The following MERTK variants were observed in gnomAD, a reference collection of about 807,000 sequenced individuals.
MERTK encodes the protein tyrosine-protein kinase Mer.
A neutral mutation model predicts 99.3 loss-of-function variants in MERTK; 69 were observed. The observed-to-expected ratio is 0.70, with a 90% CI of 0.57 to 0.85. The LOEUF (loss-of-function observed/expected upper bound fraction) is 0.85. Among genes scored for constraint, MERTK ranks in the 40% least tolerant of loss-of-function variants. The probability of loss-of-function intolerance (pLI) is 0.00; values close to 1 mark genes in which losing one functional copy is unlikely to be tolerated. For synonymous variants in MERTK, 426 were observed against 467.6 expected (o/e 0.91, Z 1.15); for missense variants, 1,125 against 1,249.4 (o/e 0.90, Z 1.50).
rs142057057 is a variant in MERTK at position 111,900,632 on chromosome 2, A to G, written c.61+1836A>G. Reference sequence around the variant, plus strand: ...TTGTAGCTGACAATCAACTTTAATCAGACAATCATAAAAAGGCCTTTTAAA... The same window carrying G: ...TTGTAGCTGACAATCAACTTTAATCGGACAATCATAAAAAGGCCTTTTAAA... On this transcript the variant is annotated intron_variant, in intron 1 of 18. Transcript: ENST00000295408. 5.3e-3 allele frequency among the ~76,000 whole-genome samples: 809 copies of G among 152,336 alleles called. 8 individuals are homozygous for G. Among genetic ancestry groups the G allele is most frequent in the African/African-American group, 0.019 (781 of 41,572 alleles).
intron 9 of MERTK, 93 bp downstream of exon 9, chr2:111,994,497 T>G (rs1553456170): frequency 6.5e-7 from 1 of 1,537,450 alleles, no homozygotes. Context: ...GATGGCTGAT[T>G]AAAGAATGAA....
intron 17 of MERTK, 51 bp from the exon 18 acceptor site, chr2:112,022,207 C>T (rs1477980398): frequency 6.2e-7 from 1 of 1,613,392 alleles, no homozygotes; most frequent in African/African-American, 1.3e-5. Context: ...AAAGTCCATT[C>T]AGGCTTTGTG....
chr2:111,932,222 C>T (rs1684686236), intron 2 of MERTK, among the ~76,000 whole-genome samples: 1 of 152,154 alleles, frequency 6.6e-6, no homozygotes, highest in African/African-American at 2.4e-5. Context: ...TGCTCTGTCG[C>T]CCAGGCTGGA....
chr2:111,914,101 C>CTTTTTTTTTTTTTTTTTTTTTTTTTTTT (rs765850254), intron 1 of MERTK, among the ~76,000 whole-genome samples: 36 of 94,442 alleles, frequency 3.8e-4, no homozygotes, highest in East Asian at 5.7e-4. Flanking sequence ...TTCTTTCTTT[C>CTTTTTTTTTTTTTTTTTTTTTTTTTTTT]TTTTTTTTTT....
intron 8 of MERTK, among the ~76,000 whole-genome samples, chr2:111,985,803 A>T (rs1676468093): frequency 6.6e-6 from 1 of 152,102 alleles, no homozygotes; most frequent in African/African-American, 2.4e-5. Context: ...GGACCCTCCC[A>T]TGGCACTACA....
At chr2:112,007,777 G>A (rs571752605) in intron 13 of MERTK, among the ~76,000 whole-genome samples, 10 of 152,132 alleles carry the variant, frequency 6.6e-5, no homozygotes, top group African/African-American at 2.4e-4. Flanking sequence ...GAGAGGTGTG[G>A]GGTTCTTTCT....
intron 6 of MERTK, among the ~76,000 whole-genome samples, chr2:111,969,923 C>T (rs528981188): frequency 6.6e-6 from 1 of 152,102 alleles, no homozygotes; most frequent in East Asian, 1.9e-4. Flanking sequence ...CATCTCCTGA[C>T]CTCATGATCC....
chr2:112,020,670 C>T (rs1240360029), intron 16 of MERTK: 2 of 471,120 alleles, frequency 4.2e-6, no homozygotes, highest in South Asian at 3.1e-5. Context: ...TCCCCATCTT[C>T]CCCAAACTCT....
chr2:111,996,504 A>C (rs1220046375), intron 9 of MERTK: 1 of 154,492 alleles, frequency 6.5e-6, no homozygotes, highest in Non-Finnish European at 1.5e-5. Context: ...TAATTGAAAG[A>C]GGGAGTTGGT....
chr2:111,966,172 C>T (rs1166018120), intron 5 of MERTK, among the ~76,000 whole-genome samples: 1 of 152,018 alleles, frequency 6.6e-6, no homozygotes, highest in Non-Finnish European at 1.5e-5. Context: ...ATGTTCTTTT[C>T]CTCTTGTCCT....
chr2:111,990,210 AT>A (rs1676587888), intron 8 of MERTK, among the ~76,000 whole-genome samples: 1 of 152,228 alleles, frequency 6.6e-6, no homozygotes, highest in African/African-American at 2.4e-5. Context: ...GATAAATTAC[AT>A]CCATTTTAAA....
At chr2:111,914,859 T>C (rs1362280823) in intron 1 of MERTK, among the ~76,000 whole-genome samples, 1 of 152,230 alleles carries the variant, frequency 6.6e-6, no homozygotes, top group Non-Finnish European at 1.5e-5. Context: ...CTGTTTTTTC[T>C]GTATTTTTGT....
At chr2:111,914,674 G>A (rs1403961392) in intron 1 of MERTK, among the ~76,000 whole-genome samples, 3 of 151,982 alleles carry the variant, frequency 2.0e-5, no homozygotes, top group African/African-American at 7.2e-5. Flanking sequence ...TATTTTTTTA[G>A]TCTGTTAGTA....
At chr2:111,902,518 C>A (rs1488798453) in intron 1 of MERTK, among the ~76,000 whole-genome samples, 1 of 152,170 alleles carries the variant, frequency 6.6e-6, no homozygotes, top group Non-Finnish European at 1.5e-5. Flanking sequence ...CCCTCTTGTT[C>A]CTACCACTCC....
chr2:111,934,858 A>G (rs1684736844), intron 2 of MERTK, among the ~76,000 whole-genome samples: 1 of 152,134 alleles, frequency 6.6e-6, no homozygotes, highest in African/African-American at 2.4e-5. Context: ...CAGGTCTTAC[A>G]TTTAAGGGGA....
chr2:112,029,086 T>C lies in MERTK; in HGVS notation c.*222T>C, dbSNP rs1414280789. ...TATATCATGGAAAAAGACAAGGATA[T>C]TTTAATAAAACATTACTTATTTCAT... On this transcript the variant is annotated 3_prime_UTR_variant, in exon 19 of 19. Coordinates refer to ENST00000295408, the MANE Select transcript of MERTK (RefSeq NM_006343.3). The C allele has an allele frequency of 8.0e-7, 1 of 1,254,162 alleles. No homozygotes were observed. The highest frequency in any genetic ancestry group is 1.0e-6 in the Non-Finnish European group (1 of 992,342). 77.7% of individuals were successfully genotyped at this position (1,254,162 alleles called of 1,614,324 possible). A position where few individuals can be genotyped will look rare whatever the true frequency, so the allele number is the denominator to read the frequency against.
chr2:111,960,842 T>A (rs1486515055), intron 4 of MERTK, among the ~76,000 whole-genome samples: 1 of 151,802 alleles, frequency 6.6e-6, no homozygotes, highest in Non-Finnish European at 1.5e-5. Context: ...TTTTTGAAGA[T>A]GTTTAAATTA....
chr2:111,960,885 G>T (rs1685236990), intron 4 of MERTK, among the ~76,000 whole-genome samples: 1 of 151,658 alleles, frequency 6.6e-6, no homozygotes, highest in Non-Finnish European at 1.5e-5. Flanking sequence ...TTCAAAATGT[G>T]TCAGAGTCCA....
At chr2:111,926,241 CAATGAAGGTAT>C (rs1684565648) in intron 1 of MERTK, among the ~76,000 whole-genome samples, 1 of 152,060 alleles carries the variant, frequency 6.6e-6, no homozygotes, top group Non-Finnish European at 1.5e-5. Context: ...TAAATTAAAC[CAATGAAGGTAT>C]AATTTGCTTC....
Sources: gnomAD v4.1 joint callset for allele counts (sites outside exome capture counted in the v4.1 genomes callset) on GRCh38, gnomAD v4.1.1 for gene constraint, MANE v1.5 for transcripts, NCBI Gene and HGNC (gene_info 2026-07-23, HGNC 2026-07-21) for gene names.